The following APBA2 variants were observed in gnomAD, a reference collection of about 807,000 sequenced individuals.
APBA2 encodes amyloid-beta A4 precursor protein-binding family A member 2.
APBA2 carries 30 observed loss-of-function variants against 75.0 expected under a neutral mutation model. The observed-to-expected ratio is 0.40, with a 90% CI of 0.30 to 0.54. The LOEUF (loss-of-function observed/expected upper bound fraction) is 0.54. APBA2 is among the 20% of genes least tolerant of loss of function. The pLI is 0.49. For missense variants in APBA2, 801 were observed against 1,016.1 expected, an observed-to-expected ratio of 0.79 and a Z score of 2.88; for synonymous variants, 444 against 409.6, an observed-to-expected ratio of 1.08 and a Z score of -1.01.
chr15:28,903,761 G>A (rs2032994665), intron 1 of APBA2, among the ~76,000 whole-genome samples: 1 of 152,312 alleles, frequency 6.6e-6, no homozygotes, highest in South Asian at 2.1e-4. Context: ...CCAGGACCTG[G>A]CACAGGGGAG....
At chr15:28,973,128 C>T (rs561512321) in intron 2 of APBA2, among the ~76,000 whole-genome samples, 4 of 152,290 alleles carry the variant, frequency 2.6e-5, no homozygotes, top group South Asian at 2.1e-4. Flanking sequence ...CATTGAGGTC[C>T]GGACTCCTGT....
rs2033771608 is a variant in APBA2 at position 28,918,113 on chromosome 15, G to A, written c.-204-3527G>A. Among the ~76,000 whole-genome samples, 1 of 152,192 alleles carries A rather than the reference G, an allele frequency of 6.6e-6. No homozygotes were observed. The highest frequency in any genetic ancestry group is 6.5e-5 in the Admixed American group (1 of 15,282). On this transcript the variant is annotated intron_variant, in intron 1 of 14. Coordinates refer to ENST00000683413, the MANE Select transcript of APBA2 (RefSeq NM_001353788.2). This position sits in a 1 kb window ranked among gnomAD's most constrained non-coding sequence, Gnocchi z 4.2. ...GTTTGCTGAGCACTTGGGAGGCATA[G>A]GCTCGGCGGGAAGGGAAGGCCTGCA...
At chr15:28,899,827 TA>T (rs201771279) in intron 1 of APBA2, among the ~76,000 whole-genome samples, 3,083 of 152,242 alleles carry the variant, frequency 0.02, 111 homozygotes, top group African/African-American at 0.069. Flanking sequence ...GGAATGTCTT[TA>T]AAAAAAATTC....
In APBA2 at chr15:29,117,445, T is replaced by TGTC. The variant is rs1423987470; in HGVS notation, c.*313_*315dup. On this transcript the variant is annotated 3_prime_UTR_variant, in exon 15 of 15. Coordinates refer to ENST00000683413, the MANE Select transcript of APBA2 (RefSeq NM_001353788.2). Reference sequence around the variant, plus strand: ...GTAGCTGTGCGTGGTGTGGAGTGTGTGTCTTTCCTCCCTGAAGCTGTGCGG... The same window carrying TGTC: ...GTAGCTGTGCGTGGTGTGGAGTGTGTGTCGTCTTTCCTCCCTGAAGCTGTGCGG... 4 of 450,364 alleles carry TGTC rather than the reference T, an allele frequency of 8.9e-6. No homozygotes were observed. The highest frequency in any genetic ancestry group is 1.6e-5 in the Non-Finnish European group (4 of 244,292). The allele number at this position is 450,364 out of a possible 1,614,324, so 27.9% of individuals were successfully genotyped here.
At chr15:29,107,034 C>G (rs1408310255) in intron 12 of APBA2, among the ~76,000 whole-genome samples, 2 of 152,118 alleles carry the variant, frequency 1.3e-5, no homozygotes, top group African/African-American at 4.8e-5. Context: ...CCGGGCTGGC[C>G]TGGGGTGGGA....
intron 3 of APBA2, among the ~76,000 whole-genome samples, chr15:29,001,906 A>C (rs527798702): frequency 1.3e-5 from 2 of 152,350 alleles, no homozygotes; most frequent in South Asian, 4.1e-4. Flanking sequence ...TTCTGTATGT[A>C]ACTTTTGATT....
At chr15:28,910,792 T>C (rs1017325220) in intron 1 of APBA2, among the ~76,000 whole-genome samples, 6 of 152,202 alleles carry the variant, frequency 3.9e-5, no homozygotes, top group African/African-American at 1.2e-4. Context: ...GCCGTGTCAG[T>C]TTGAAATTTT....
intron 3 of APBA2, among the ~76,000 whole-genome samples, chr15:29,052,584 C>T (rs1452315422): frequency 6.6e-6 from 1 of 152,144 alleles, no homozygotes; most frequent in African/African-American, 2.4e-5. Context: ...TGCCTCTAGC[C>T]TCTAGCCTCT....
intron 2 of APBA2, among the ~76,000 whole-genome samples, chr15:28,970,908 G>T (rs2037031976): frequency 6.6e-6 from 1 of 152,124 alleles, no homozygotes; most frequent in Non-Finnish European, 1.5e-5. Flanking sequence ...CCATGTGTGT[G>T]CACACAGACA....
intron 1 of APBA2, among the ~76,000 whole-genome samples, chr15:28,905,770 G>A (rs1595428148): frequency 1.3e-5 from 2 of 152,342 alleles, no homozygotes; most frequent in Admixed American, 1.3e-4. Flanking sequence ...TTTTCTGGCA[G>A]TGGAATTTGG....
intron 3 of APBA2, among the ~76,000 whole-genome samples, chr15:29,042,083 T>A (rs1054145783): frequency 1.9e-4 from 29 of 152,104 alleles, no homozygotes; most frequent in African/African-American, 5.8e-4. Flanking sequence ...GTCCCATGCG[T>A]CTCCGTTTGC....
chr15:28,895,031 C>T (rs567625912), intron 1 of APBA2, among the ~76,000 whole-genome samples: 6 of 152,118 alleles, frequency 3.9e-5, no homozygotes, highest in South Asian at 2.1e-4. Flanking sequence ...CTAGTGAGGA[C>T]GTTTAATTTT....
chr15:28,925,124 A>G (rs866913269), intron 2 of APBA2, among the ~76,000 whole-genome samples: 4 of 152,162 alleles, frequency 2.6e-5, no homozygotes, highest in South Asian at 2.1e-4. Flanking sequence ...TTCTGCATCA[A>G]TTGATCTGAT....
At chr15:28,916,315 A>T (rs2033689508) in intron 1 of APBA2, among the ~76,000 whole-genome samples, 1 of 152,110 alleles carries the variant, frequency 6.6e-6, no homozygotes, top group Non-Finnish European at 1.5e-5. Context: ...CTCCCCTTGC[A>T]GTCTACCCTT....
chr15:29,081,621 T>G (rs1057286115), intron 6 of APBA2, among the ~76,000 whole-genome samples: 5 of 152,218 alleles, frequency 3.3e-5, no homozygotes, highest in African/African-American at 1.2e-4. Flanking sequence ...TCCAGGAATT[T>G]CTCAGCTCAT....
chr15:28,935,250 G>A (rs1435339535), intron 2 of APBA2, among the ~76,000 whole-genome samples: 1 of 152,326 alleles, frequency 6.6e-6, no homozygotes, highest in South Asian at 2.1e-4. Flanking sequence ...CCTTCCATCC[G>A]ATGCACCTCG....
intron 1 of APBA2, among the ~76,000 whole-genome samples, chr15:28,887,106 A>G (rs1288975648): frequency 6.6e-6 from 1 of 152,226 alleles, no homozygotes; most frequent in African/African-American, 2.4e-5. Context: ...TTAACTTCGT[A>G]TTTACTGGCA....
chr15:29,055,682 T>TGTGA (rs1312401583), intron 4 of APBA2, among the ~76,000 whole-genome samples: 3 of 150,998 alleles, frequency 2.0e-5, no homozygotes, highest in African/African-American at 7.3e-5. Flanking sequence ...TGTGTGTGTG[T>TGTGA]GTGTGTGTGT....
chr15:29,094,457 T>C, intron 8 of APBA2, 144 bp downstream of exon 8: 1 of 792,426 alleles, frequency 1.3e-6, no homozygotes, highest in Non-Finnish European at 2.2e-6. Context: ...TAGGTGAATC[T>C]TAGATGTTTG....
Sources: allele counts gnomAD v4.1 joint callset (sites outside exome capture counted in the v4.1 genomes callset), GRCh38; gene constraint gnomAD v4.1.1; non-coding constraint Gnocchi (gnomAD v3.1); transcripts MANE v1.5; gene names NCBI Gene and HGNC (gene_info 2026-07-23, HGNC 2026-07-21).